Variants in PRMT3 observed in about 807,000 individuals in gnomAD.
PRMT3 encodes protein arginine methyltransferase 3.
A neutral mutation model predicts 71.9 loss-of-function variants in PRMT3; 62 were observed. The ratio of observed to expected loss-of-function variants is 0.86; its 90% CI spans 0.70 to 1.07. PRMT3 has a LOEUF of 1.07. Among genes scored for constraint, PRMT3 ranks in the 50% least tolerant of loss-of-function variants. PRMT3 has a pLI of 0.00. For synonymous variants in PRMT3, 213 were observed against 220.4 expected (o/e 0.97, Z 0.30); for missense variants, 663 against 643.0 (o/e 1.03, Z -0.34).
chr11:20,449,133 A>G (rs1284860304), intron 10 of PRMT3, among the ~76,000 whole-genome samples: 1 of 152,194 alleles, frequency 6.6e-6, no homozygotes, highest in Non-Finnish European at 1.5e-5. Flanking sequence ...GACAATGACC[A>G]TTAGCAATAC....
rs143520537 is a variant in PRMT3, at chr11:20,488,152, AAAAG to A, written c.1348-5761_1348-5758del. ...TGGGATACAATAGAAAATTAATTGA[AAAAG>A]AAAGAGTCCGTAATTTAATGTATAG... is the stretch of plus-strand genomic sequence containing the variant. On this transcript the variant is annotated intron_variant, in intron 13 of 15. Coordinates refer to ENST00000331079, the MANE Select transcript of PRMT3 (RefSeq NM_005788.4). Among the ~76,000 whole-genome samples the A allele has an allele frequency of 4.9e-3, 751 of 152,264 alleles. 4 individuals carry two copies. Among genetic ancestry groups the A allele is most frequent in the African/African-American group, 0.017 (716 of 41,564 alleles).
At chr11:20,437,719 A>G (rs7938254) in intron 10 of PRMT3, among the ~76,000 whole-genome samples, 122,929 of 151,990 alleles carry the variant, frequency 0.81, 51,990 homozygotes, top group Non-Finnish European at 0.95. Context: ...CCTCCCGAGT[A>G]GCTGGGACTA....
chr11:20,393,479 T>G (rs1378798888), intron 5 of PRMT3, among the ~76,000 whole-genome samples: 1 of 152,212 alleles, frequency 6.6e-6, no homozygotes. Context: ...GGAGCTCTTA[T>G]GTGAGGTTTA....
chr11:20,403,418 T>C (rs1848992375), intron 8 of PRMT3, among the ~76,000 whole-genome samples: 1 of 152,198 alleles, frequency 6.6e-6, no homozygotes, highest in Non-Finnish European at 1.5e-5. Context: ...ACTATGGTAG[T>C]ATAGTATTTA....
At chr11:20,460,835 G>A (rs1263500144) in intron 11 of PRMT3, among the ~76,000 whole-genome samples, 1 of 152,074 alleles carries the variant, frequency 6.6e-6, no homozygotes. Context: ...AAAGTCCTCT[G>A]AGTTCTACTT....
At chr11:20,491,972 A>G (rs1330590120) in intron 13 of PRMT3, among the ~76,000 whole-genome samples, 1 of 152,220 alleles carries the variant, frequency 6.6e-6, no homozygotes, top group Non-Finnish European at 1.5e-5. Flanking sequence ...CTGACTATGT[A>G]ATAAAGCTAG....
chr11:20,458,203 A>C (rs1366796288), intron 11 of PRMT3, among the ~76,000 whole-genome samples: 1 of 152,052 alleles, frequency 6.6e-6, no homozygotes, highest in Non-Finnish European at 1.5e-5. Flanking sequence ...GTTTATTTTG[A>C]CTTATTTACT....
intron 13 of PRMT3, among the ~76,000 whole-genome samples, chr11:20,471,633 A>C (rs1850647387): frequency 2.6e-5 from 4 of 152,156 alleles, no homozygotes. Flanking sequence ...TATAGTTTGC[A>C]GTTGGGTAGC....
chr11:20,453,165 C>G (rs1318591061), intron 11 of PRMT3, among the ~76,000 whole-genome samples: 2 of 151,872 alleles, frequency 1.3e-5, no homozygotes, highest in African/African-American at 4.8e-5. Flanking sequence ...TATGAAATTA[C>G]TTTGGCAGTT....
At chr11:20,484,433 A>ATCTC (rs113560116) in intron 13 of PRMT3, among the ~76,000 whole-genome samples, 15 of 152,116 alleles carry the variant, frequency 9.9e-5, no homozygotes, top group South Asian at 6.2e-4. Context: ...TCCTCACCCA[A>ATCTC]ATCTTGAATT....
At chr11:20,454,279 C>T (rs1476709534) in intron 11 of PRMT3, among the ~76,000 whole-genome samples, 1 of 152,080 alleles carries the variant, frequency 6.6e-6, no homozygotes, top group African/African-American at 2.4e-5. Context: ...TAGGGAAGAT[C>T]CAAGTAACTG....
At chr11:20,472,055 C>CT (rs1293954945) in intron 13 of PRMT3, among the ~76,000 whole-genome samples, 23 of 152,198 alleles carry the variant, frequency 1.5e-4, no homozygotes, top group Admixed American at 3.3e-4. Context: ...TTTTTGTGTC[C>CT]TGAGACTTTG....
chr11:20,503,221 T>G (rs2016242660), intron 15 of PRMT3, among the ~76,000 whole-genome samples: 1 of 152,180 alleles, frequency 6.6e-6, no homozygotes, highest in African/African-American at 2.4e-5. Context: ...TTTCATCCTT[T>G]AAAAGATTAT....
chr11:20,481,820 G>C (rs1850944087), intron 13 of PRMT3, among the ~76,000 whole-genome samples: 1 of 151,910 alleles, frequency 6.6e-6, no homozygotes, highest in Admixed American at 6.6e-5. Context: ...ACCCTAGAGA[G>C]TCAAGAGCCC....
At chr11:20,411,405 G>A (rs1014593835) in intron 9 of PRMT3, among the ~76,000 whole-genome samples, 1 of 152,064 alleles carries the variant, frequency 6.6e-6, no homozygotes, top group East Asian at 1.9e-4. Context: ...TCTTTGCTGT[G>A]TCAAATATTT....
At chr11:20,406,382 T>C (rs1303971289) in intron 8 of PRMT3, 1 of 152,170 alleles carries the variant, frequency 6.6e-6, no homozygotes, top group African/African-American at 2.4e-5. Flanking sequence ...AACCCAGGGA[T>C]ATAAAGGGCT....
chr11:20,492,868 C>G (rs1326090766), intron 13 of PRMT3, among the ~76,000 whole-genome samples: 2 of 152,274 alleles, frequency 1.3e-5, no homozygotes, highest in Admixed American at 6.5e-5. Context: ...ACCAGCCTGA[C>G]CAACATGGTG....
At chr11:20,400,435 A>C (rs962562544) in intron 7 of PRMT3, among the ~76,000 whole-genome samples, 2 of 152,202 alleles carry the variant, frequency 1.3e-5, no homozygotes, top group Non-Finnish European at 2.9e-5. Flanking sequence ...ATTCCTTGCC[A>C]CTTTATCTTT....
chr11:20,497,611 AG>A (rs1256361777), intron 15 of PRMT3, among the ~76,000 whole-genome samples: 1 of 152,188 alleles, frequency 6.6e-6, no homozygotes, highest in Non-Finnish European at 1.5e-5. Context: ...AGTACTGAAG[AG>A]GGTAAGCTCA....
Sources: allele counts gnomAD v4.1 joint callset (sites outside exome capture counted in the v4.1 genomes callset), GRCh38; gene constraint gnomAD v4.1.1; transcripts MANE v1.5; gene names NCBI Gene and HGNC (gene_info 2026-07-23, HGNC 2026-07-21).